The following CEP295NL variants were observed in gnomAD, a reference collection of about 807,000 sequenced individuals.
CEP295NL encodes the protein CEP295 N-terminal like.
CEP295NL carries 3 observed loss-of-function variants against 4.6 expected under a neutral mutation model. The ratio of observed to expected loss-of-function variants is 0.65; its 90% CI spans 0.30 to 1.69. CEP295NL has a LOEUF of 1.69. Ranked by LOEUF, CEP295NL falls within the 40% of genes most tolerant of loss-of-function variation. CEP295NL has a pLI of 0.10. For missense variants in CEP295NL, 719 were observed against 769.0 expected (o/e 0.93, Z 0.77); for synonymous variants, 295 against 312.2 (o/e 0.94, Z 0.58).
In CEP295NL at chr17:78,892,036, G is replaced by A; in HGVS notation, c.468C>T (p.Ile156=). 1 of 1,550,828 alleles carries A rather than the reference G, an allele frequency of 6.4e-7. No individual in the cohort carries two copies. Among genetic ancestry groups the A allele is most frequent in the Non-Finnish European group, 8.7e-7 (1 of 1,147,096 alleles). Residue 156 remains isoleucine, a synonymous_variant, in exon 3 of 3, where the codon ATC becomes ATT. Coordinates refer to ENST00000322630, the MANE Select transcript of CEP295NL (RefSeq NM_001243540.2). Reference sequence around the variant, plus strand: ...TCGGGGGCCTGGCTGATCTTCGCTGGATGGGCCCCTGCGAGTCAGGCTCAT... The same window carrying A: ...TCGGGGGCCTGGCTGATCTTCGCTGAATGGGCCCCTGCGAGTCAGGCTCAT... The part of the protein sequence containing the change: ...RENEPDSQGP[I]QRRSARPPRA...
In CEP295NL at chr17:78,893,796, G is replaced by A. The variant is rs138657459; in HGVS notation, c.45-1337C>T. ...AATGATCAGAGAAGGACTCTTCCAG[G>A]TCTCTTTGGCATCAGGAAGGGACCC... is the stretch of plus-strand genomic sequence containing the variant. On this transcript the variant is annotated intron_variant, in intron 2 of 2. Coordinates refer to ENST00000322630, the MANE Select transcript of CEP295NL (RefSeq NM_001243540.2). Among the ~76,000 whole-genome samples the A allele has an allele frequency of 2.6e-3, 398 of 152,170 alleles. 1 individual carries two copies. Among genetic ancestry groups the A allele is most frequent in the African/African-American group, 9.1e-3 (379 of 41,488 alleles).
intron 2 of CEP295NL, among the ~76,000 whole-genome samples, chr17:78,895,433 C>A (rs1045867528): frequency 6.6e-6 from 1 of 152,208 alleles, no homozygotes; most frequent in Non-Finnish European, 1.5e-5. Flanking sequence ...GTCCTGCCAC[C>A]TCACATCCAC....
rs1257268750 is a variant in CEP295NL at position 78,895,009 on chromosome 17, G to A, written c.45-2550C>T. 3.3e-5 allele frequency among the ~76,000 whole-genome samples: 5 copies of A among 152,126 alleles called. 1 individual carries two copies. The highest frequency in any genetic ancestry group is 2.0e-4 in the Admixed American group (3 of 15,268). The stretch of plus-strand genomic sequence containing the variant: ...AAATCAGCAAAAGAAGGACAGGTGT[G>A]GCAGCTCACACCTGTAATCCCAGCA... On this transcript the variant is annotated intron_variant, in intron 2 of 2. Coordinates refer to ENST00000322630, the MANE Select transcript of CEP295NL (RefSeq NM_001243540.2).
At chr17:78,893,171 A>G (rs373246451) in intron 2 of CEP295NL, among the ~76,000 whole-genome samples, 61 of 109,232 alleles carry the variant, frequency 5.6e-4, no homozygotes, top group Admixed American at 3.5e-3. Flanking sequence ...GTGTGTGTGC[A>G]TACATGTGTG....
At chr17:78,895,662 A>T (rs995769099) in intron 2 of CEP295NL, among the ~76,000 whole-genome samples, 1 of 152,218 alleles carries the variant, frequency 6.6e-6, no homozygotes, top group Non-Finnish European at 1.5e-5. Flanking sequence ...TGAGTCCACA[A>T]AAAGAAACCA....
At chr17:78,902,925 A>G (rs771883883) in intron 1 of CEP295NL, among the ~76,000 whole-genome samples, 50 of 152,152 alleles carry the variant, frequency 3.3e-4, no homozygotes, top group East Asian at 1.9e-4. Flanking sequence ...TCTCCTTCCC[A>G]TCACACTGCC....
chr17:78,892,575 C>T, intron 2 of CEP295NL, 116 bp from the exon 3 acceptor site: 3 of 1,438,300 alleles, frequency 2.1e-6, no homozygotes, highest in Non-Finnish European at 2.8e-6. Context: ...AAATGTGCCC[C>T]TCCAAGCTCT....
intron 2 of CEP295NL, among the ~76,000 whole-genome samples, chr17:78,893,367 G>A (rs2069943181): frequency 6.8e-6 from 1 of 146,026 alleles, no homozygotes; most frequent in Non-Finnish European, 1.5e-5. Flanking sequence ...GTGCAGGGGT[G>A]TGTAGGAGTG....
chr17:78,893,248 AGTGTGTGTGCAGGGGT>A (rs1308306707), intron 2 of CEP295NL, among the ~76,000 whole-genome samples: 1 of 63,288 alleles, frequency 1.6e-5, no homozygotes, highest in African/African-American at 6.4e-5. Flanking sequence ...TGTGTGTAGG[AGTGTGTGTGCAGGGGT>A]GTGTGTGTAG....
rs560414384 is a variant in CEP295NL at position 78,895,343 on chromosome 17, A to G, written c.45-2884T>C. Among the ~76,000 whole-genome samples the G allele has an allele frequency of 3.9e-5, 6 of 152,340 alleles. No individual in the cohort carries two copies. In the South Asian group the frequency reaches 1.0e-3, roughly 26 times the overall value. ...TTAAATAGATATTTCACCAAAGAACATAGATGTGTGGCTAATACAGCACAT... is the reference window on the plus strand; with the variant it reads ...TTAAATAGATATTTCACCAAAGAACGTAGATGTGTGGCTAATACAGCACAT... On this transcript the variant is annotated intron_variant, in intron 2 of 2. Coordinates refer to ENST00000322630, the MANE Select transcript of CEP295NL (RefSeq NM_001243540.2).
At position 78,896,009 on chromosome 17, in the gene CEP295NL, C is replaced by A. The variant is rs777673634; in HGVS notation, c.45-3550G>T. Reference sequence around the variant, plus strand: ...CGTGGGCATCCCAATGAAGCAGCGTCAGTTTTCCTGGAGACACGCAAACGG... The same window carrying A: ...CGTGGGCATCCCAATGAAGCAGCGTAAGTTTTCCTGGAGACACGCAAACGG... On this transcript the variant is annotated intron_variant, in intron 2 of 2. Transcript: ENST00000322630. This position sits in a 1 kb window ranked among gnomAD's most constrained non-coding sequence, Gnocchi z 4.4. Among the ~76,000 whole-genome samples, 3 of 152,256 alleles carry A rather than the reference C, an allele frequency of 2.0e-5. No homozygotes were observed. Among genetic ancestry groups the A allele is most frequent in the Non-Finnish European group, 4.4e-5 (3 of 68,042 alleles).
At position 78,900,370 on chromosome 17, in the gene CEP295NL, A is replaced by G. The variant is rs542444695; in HGVS notation, c.44+1415T>C. On this transcript the variant is annotated intron_variant, in intron 2 of 2. Transcript: ENST00000322630. The stretch of plus-strand genomic sequence containing the variant: ...AGACCAGCCTGACCAACGTGGTGAA[A>G]CCTCGTCTCTACTAAATACAAAAAA... Among the ~76,000 whole-genome samples, 8 of 151,994 alleles carry G rather than the reference A, an allele frequency of 5.3e-5. No individual in the cohort carries two copies. In the South Asian group the frequency reaches 1.7e-3, roughly 32 times the overall value.
At chr17:78,902,159 T>G (rs1277830628) in intron 1 of CEP295NL, among the ~76,000 whole-genome samples, 1 of 151,924 alleles carries the variant, frequency 6.6e-6, no homozygotes, top group South Asian at 2.1e-4. Context: ...CAGGCTGGAG[T>G]GCAGTGGTGC....
chr17:78,902,048 G>C, intron 1 of CEP295NL, 122 bp from the exon 2 acceptor site: 1 of 521,210 alleles, frequency 1.9e-6, no homozygotes, highest in Non-Finnish European at 3.4e-6. Flanking sequence ...CAGAGGCTTG[G>C]TTTTCGCCCT....
intron 2 of CEP295NL, among the ~76,000 whole-genome samples, chr17:78,900,355 G>A (rs1374823872): frequency 6.6e-6 from 1 of 152,090 alleles, no homozygotes; most frequent in East Asian, 1.9e-4. Flanking sequence ...AGACCAGCCT[G>A]ACCAACGTGG....
rs767996913 is a variant in CEP295NL at position 78,892,377 on chromosome 17, G to A, written c.127C>T (p.Leu43Phe). 6.4e-6 allele frequency: 10 copies of A among 1,550,524 alleles called. No individual in the cohort carries two copies. The highest frequency in any genetic ancestry group is 5.9e-5 in the South Asian group (5 of 84,070). The change falls in exon 3 of 3, where the codon CTT becomes TTT. Residue 43 changes from leucine to phenylalanine, a missense_variant. Coordinates refer to ENST00000322630, the MANE Select transcript of CEP295NL (RefSeq NM_001243540.2). ...CCAGCAGATACAGCTTCCCAGGGAA[G>A]GTGCTTGGAGCCAAGAGTGGAGGGT... ...LEPSTLGSKH[L>F]PWEAVSAGFA... is the part of the protein sequence containing the mutation.
intron 1 of CEP295NL, among the ~76,000 whole-genome samples, chr17:78,902,236 T>C (rs894392176): frequency 6.6e-6 from 1 of 152,240 alleles, no homozygotes; most frequent in Admixed American, 6.5e-5. Context: ...CCTTCCCAAG[T>C]AGCTGGGACT....
intron 2 of CEP295NL, chr17:78,897,041 C>T (rs913175365): frequency 9.2e-6 from 9 of 977,286 alleles, no homozygotes; most frequent in Non-Finnish European, 1.1e-5. Context: ...AGGCAGACCT[C>T]ACCCAGGGAC....
chr17:78,899,588 G>C (rs1430027926), intron 2 of CEP295NL: 1 of 152,234 alleles, frequency 6.6e-6, no homozygotes, highest in East Asian at 1.9e-4. Flanking sequence ...AGAGGCTTGA[G>C]AACGGTCAAG....
Sources: gnomAD v4.1 joint callset for allele counts (sites outside exome capture counted in the v4.1 genomes callset) on GRCh38, gnomAD v4.1.1 for gene constraint, Gnocchi (gnomAD v3.1) non-coding constraint, MANE v1.5 for transcripts, NCBI Gene and HGNC (gene_info 2026-07-23, HGNC 2026-07-21) for gene names.